The following IRAG2 variants were observed in gnomAD, a reference collection of about 807,000 sequenced individuals.
The protein encoded by IRAG2 is lymphoid restricted membrane protein.
A neutral mutation model predicts 69.9 loss-of-function variants in IRAG2; 45 were observed. The observed-to-expected ratio is 0.64, with a 90% CI of 0.51 to 0.83. The LOEUF (loss-of-function observed/expected upper bound fraction) is 0.83. IRAG2 is among the 40% of genes least tolerant of loss of function. IRAG2 has a pLI of 0.00. For synonymous variants in IRAG2, 193 were observed against 202.4 expected (o/e 0.95, Z 0.40); for missense variants, 520 against 587.0 (o/e 0.89, Z 1.18).
intron 3 of IRAG2, among the ~76,000 whole-genome samples, chr12:25,063,341 C>T (rs949753716): frequency 6.6e-6 from 1 of 152,136 alleles, no homozygotes; most frequent in Non-Finnish European, 1.5e-5. Context: ...CATGAACCAC[C>T]GCACCCGGCC....
At chr12:25,100,064 T>C (rs1948669536) in intron 15 of IRAG2, among the ~76,000 whole-genome samples, 1 of 125,488 alleles carries the variant, frequency 8.0e-6, no homozygotes, top group South Asian at 2.5e-4. Flanking sequence ...TCAAAGAAGA[T>C]ACACAAATGG....
rs1944480147 is a variant in IRAG2, at chr12:25,012,143, C to CTTTT, written c.896+592_896+593insTTTT. On this transcript the variant is annotated intron_variant, in intron 3 of 38. Coordinates refer to the IRAG2 transcript ENST00000636465. ...GTCTTCTTCCACAGAAAGCGAATTCCCTTTTTTTTTTTTTTTTTTTTTTTT... is the reference window on the plus strand; with the variant it reads ...GTCTTCTTCCACAGAAAGCGAATTCCTTTTCTTTTTTTTTTTTTTTTTTTTTTTT... 2.1e-4 allele frequency among the ~76,000 whole-genome samples: 5 copies of CTTTT among 24,096 alleles called. 1 individual carries two copies. Among genetic ancestry groups the CTTTT allele is most frequent in the Admixed American group, 1.6e-3 (2 of 1,242 alleles). The allele number at this position is 24,096 out of a possible 152,430, so 15.8% of individuals were successfully genotyped here.
chr12:25,062,599 T>C (rs990825623), intron 2 of IRAG2, among the ~76,000 whole-genome samples: 2 of 152,260 alleles, frequency 1.3e-5, no homozygotes, highest in African/African-American at 4.8e-5. Context: ...CAGTTTCTTG[T>C]TCCCGATCTT....
chr12:25,095,161 G>A (rs1310114789), intron 14 of IRAG2, among the ~76,000 whole-genome samples: 1 of 152,120 alleles, frequency 6.6e-6, no homozygotes, highest in African/African-American at 2.4e-5. Context: ...GACCTTAAAG[G>A]AATAAGCTTT....
chr12:25,035,678 A>G (rs1483851722), exon 14 of IRAG2: 4 of 398,934 alleles, frequency 1.0e-5, no homozygotes, highest in South Asian at 1.3e-4. Flanking sequence ...AGGCAGCACA[A>G]TGTAATCAAC....
At chr12:24,998,843 A>T in the IRAG2 span, among the ~76,000 whole-genome samples, 1 of 152,210 alleles carries the variant, frequency 6.6e-6, no homozygotes, top group Admixed American at 6.5e-5. Flanking sequence ...TTCAATGCTC[A>T]ATAAATAACT....
At chr12:25,004,732 T>C in exon 1 of IRAG2, 3 of 1,232,164 alleles carry the variant, frequency 2.4e-6, no homozygotes, top group Non-Finnish European at 3.0e-6. Flanking sequence ...CAACAAGAAT[T>C]ATACATCTTT....
chr12:25,023,113 C>T (rs2201711), intron 7 of IRAG2, among the ~76,000 whole-genome samples: 3,801 of 124,532 alleles, frequency 0.031, 174 homozygotes, highest in African/African-American at 0.11. Flanking sequence ...GCAACAAGAG[C>T]GAGACTTCGT....
chr12:25,054,858 A>G (rs1264783702), intron 1 of IRAG2, among the ~76,000 whole-genome samples: 1 of 152,144 alleles, frequency 6.6e-6, no homozygotes, highest in Admixed American at 6.6e-5. Context: ...CGTATTTTCA[A>G]AATGTTCTAT....
At chr12:25,019,347 C>T (rs1217441593) in intron 6 of IRAG2, among the ~76,000 whole-genome samples, 1 of 152,174 alleles carries the variant, frequency 6.6e-6, no homozygotes, top group African/African-American at 2.4e-5. Context: ...AATCAGGTCA[C>T]ACAAACTTGA....
intron 4 of IRAG2, among the ~76,000 whole-genome samples, chr12:25,064,784 G>A (rs1309178300): frequency 6.6e-6 from 1 of 152,108 alleles, no homozygotes; most frequent in Non-Finnish European, 1.5e-5. Context: ...CACCAACAGT[G>A]GGAGTACTTA....
intron 17 of IRAG2, 133 bp downstream of exon 17, chr12:25,102,374 C>G: frequency 1.4e-6 from 1 of 691,976 alleles, no homozygotes; most frequent in African/African-American, 1.8e-5. Context: ...ATTTGTTTAT[C>G]TAAGTATGCT....
At chr12:25,106,138 C>G (rs898535599) in intron 20 of IRAG2, among the ~76,000 whole-genome samples, 2 of 151,852 alleles carry the variant, frequency 1.3e-5, no homozygotes, top group African/African-American at 4.8e-5. Flanking sequence ...GAGAAAAACT[C>G]TGATGTTACT....
intron 5 of IRAG2, 150 bp downstream of exon 5, chr12:25,066,662 T>C (rs1591986815): frequency 2.6e-6 from 1 of 390,128 alleles, no homozygotes; most frequent in Middle Eastern, 6.3e-4. Flanking sequence ...AATTTCTTTC[T>C]TTCTTTTTTT....
intron 14 of IRAG2, among the ~76,000 whole-genome samples, chr12:25,096,566 G>A (rs943771041): frequency 3.3e-5 from 5 of 152,064 alleles, no homozygotes; most frequent in Non-Finnish European, 7.4e-5. Flanking sequence ...CTCCTTATAT[G>A]ATACATTCAC....
intron 1 of IRAG2, among the ~76,000 whole-genome samples, chr12:25,059,648 C>G (rs1945491575): frequency 6.6e-6 from 1 of 152,158 alleles, no homozygotes; most frequent in African/African-American, 2.4e-5. Flanking sequence ...GCCACCGCAC[C>G]CAGCCTAGAA....
intron 21 of IRAG2, 49 bp downstream of exon 21, chr12:25,107,099 G>A (rs1291489037): frequency 2.0e-6 from 2 of 1,004,918 alleles, no homozygotes; most frequent in Non-Finnish European, 3.1e-6. Context: ...AATGGGAAAG[G>A]GTGAGGCAGG....
upstream of IRAG2, among the ~76,000 whole-genome samples, chr12:25,047,857 A>G (rs1944808693): frequency 6.6e-6 from 1 of 152,150 alleles, no homozygotes; most frequent in Non-Finnish European, 1.5e-5. Context: ...TATCCAGTCT[A>G]TCACTGATGG....
chr12:25,034,304 C>T (rs1159249215), intron 13 of IRAG2, among the ~76,000 whole-genome samples: 4 of 152,156 alleles, frequency 2.6e-5, no homozygotes, highest in African/African-American at 9.7e-5. Context: ...TTTCCAAACC[C>T]TGAAAGTAAA....
Sources: allele counts gnomAD v4.1 joint callset (sites outside exome capture counted in the v4.1 genomes callset), GRCh38; gene constraint gnomAD v4.1.1; transcripts MANE v1.5; gene names NCBI Gene and HGNC (gene_info 2026-07-23, HGNC 2026-07-21).